RASSF3: variants seen among roughly 807,000 people sequenced by gnomAD.
RASSF3 encodes the protein ras association domain-containing protein 3.
In RASSF3, 19 loss-of-function variants were observed where a neutral mutation model predicts 19.9. The ratio of observed to expected loss-of-function variants is 0.96; its 90% CI spans 0.67 to 1.40. The LOEUF (loss-of-function observed/expected upper bound fraction) is 1.40, where lower values mean the gene tolerates loss of function less well. Among genes scored for constraint, RASSF3 ranks in the 40% most tolerant of loss-of-function variants. The pLI is 0.00. For missense variants in RASSF3, 306 were observed against 289.8 expected (o/e 1.06, Z -0.41); for synonymous variants, 110 against 104.2 (o/e 1.06, Z -0.34).
At chr12:64,675,215 C>G (rs1207202004) in intron 1 of RASSF3, among the ~76,000 whole-genome samples, 1 of 152,028 alleles carries the variant, frequency 6.6e-6, no homozygotes, top group Non-Finnish European at 1.5e-5. Flanking sequence ...ATATTTGTTC[C>G]TTTATAATGT....
rs577181131 is a variant in RASSF3 at position 64,508,750 on chromosome 12, A to G, written c.169+1421A>G. Among the ~76,000 whole-genome samples the G allele has an allele frequency of 8.6e-4, 131 of 151,786 alleles. 1 individual carries two copies. The South Asian group carries it at 0.016, about 19-fold the overall frequency. ...AAATACAAAATTAGCTGGGTGTGGT[A>G]GCACATGCCTGTAATCCCAGCTACT... On this transcript the variant is annotated intron_variant, in intron 1 of 5. Coordinates refer to the RASSF3 transcript ENST00000637125.
In RASSF3 at chr12:64,644,717, A is replaced by AACAAACAAAC. The variant is rs1451732975; in HGVS notation, c.111+33975_111+33976insCAAACAAACA. ...CCAACCAAAAACAAACAAACAAACA[A>AACAAACAAAC]AAATATATATAATGTATATGTATAT... On this transcript the variant is annotated intron_variant, in intron 1 of 4. Coordinates refer to ENST00000542104, the MANE Select transcript of RASSF3 (RefSeq NM_178169.4). Among the ~76,000 whole-genome samples the AACAAACAAAC allele has an allele frequency of 2.0e-5, 3 of 149,688 alleles. No individual in the cohort carries two copies. The East Asian group carries it at 5.9e-4, about 29-fold the overall frequency.
rs144291154 is a variant in RASSF3, at chr12:64,548,716, G to T, written c.294+7011G>T. ...TTCCAGCAGTTCACAAACAAACTTA[G>T]CTCACTATAAATTCATCCATAGTCT... On this transcript the variant is annotated intron_variant, in intron 2 of 5. Transcript: ENST00000637125. 1.2e-3 allele frequency among the ~76,000 whole-genome samples: 190 copies of T among 152,202 alleles called. 1 individual carries two copies. Among genetic ancestry groups the T allele is most frequent in the African/African-American group, 4.4e-3 (184 of 41,512 alleles).
intron 2 of RASSF3, among the ~76,000 whole-genome samples, chr12:64,554,371 C>G (rs1403097699): frequency 6.6e-6 from 1 of 152,204 alleles, no homozygotes; most frequent in Non-Finnish European, 1.5e-5. Flanking sequence ...GTGGCGCGAT[C>G]TTGGCTCACT....
At chr12:64,553,530 C>A (rs1869200986) in intron 2 of RASSF3, among the ~76,000 whole-genome samples, 1 of 152,188 alleles carries the variant, frequency 6.6e-6, no homozygotes, top group South Asian at 2.1e-4. Context: ...ATCTGATGCA[C>A]TGTCCAGGTC....
chr12:64,600,777 A>G (rs1169898321), intron 2 of RASSF3, among the ~76,000 whole-genome samples: 1 of 152,206 alleles, frequency 6.6e-6, no homozygotes, highest in Admixed American at 6.5e-5. Context: ...TTATGAAGCT[A>G]TAACTTAGAG....
intron 2 of RASSF3, among the ~76,000 whole-genome samples, chr12:64,603,168 T>TG (rs1250844479): frequency 6.6e-6 from 1 of 152,058 alleles, no homozygotes; most frequent in Non-Finnish European, 1.5e-5. Context: ...TTTAACTTTT[T>TG]TTTTTGTTGT....
chr12:64,648,015 C>A (rs1275064600), intron 1 of RASSF3, among the ~76,000 whole-genome samples: 1 of 152,246 alleles, frequency 6.6e-6, no homozygotes. Flanking sequence ...AGTGCTGGGG[C>A]TGTTGGTGGT....
intron 1 of RASSF3, among the ~76,000 whole-genome samples, chr12:64,517,342 T>C (rs1484840718): frequency 6.6e-6 from 1 of 151,176 alleles, no homozygotes; most frequent in Non-Finnish European, 1.5e-5. Flanking sequence ...CTTGATGTGG[T>C]CACAATTAAA....
In RASSF3 at chr12:64,651,353, C is replaced by T. The variant is rs183977075; in HGVS notation, c.112-33434C>T. On this transcript the variant is annotated intron_variant, in intron 1 of 4. Transcript: ENST00000542104. The stretch of plus-strand genomic sequence containing the variant: ...AAGAAGTTATTTTTAAGGTTGCCCA[C>T]TTAATGTTTTTGTTTTTATTTTTGA... 3.3e-5 allele frequency among the ~76,000 whole-genome samples: 5 copies of T among 152,128 alleles called. No homozygotes were observed. In the East Asian group the frequency reaches 5.8e-4, roughly 18 times the overall value.
chr12:64,677,131 C>G (rs1024659202), intron 1 of RASSF3, among the ~76,000 whole-genome samples: 1 of 152,124 alleles, frequency 6.6e-6, no homozygotes, highest in African/African-American at 2.4e-5. Flanking sequence ...CTTCCTCATT[C>G]TTCATTTACA....
chr12:64,607,527 G>C (rs1870215388), upstream of RASSF3, among the ~76,000 whole-genome samples: 1 of 151,662 alleles, frequency 6.6e-6, no homozygotes, highest in African/African-American at 2.4e-5. Flanking sequence ...GTGCCATCAT[G>C]CCCAGCTAAT....
chr12:64,571,996 A>T (rs1869526088), intron 2 of RASSF3, among the ~76,000 whole-genome samples: 1 of 152,186 alleles, frequency 6.6e-6, no homozygotes, highest in African/African-American at 2.4e-5. Flanking sequence ...TTCATAGGTT[A>T]TGACGTTCAT....
intron 1 of RASSF3, among the ~76,000 whole-genome samples, chr12:64,629,293 A>G (rs1225648812): frequency 1.3e-5 from 2 of 150,712 alleles, no homozygotes; most frequent in African/African-American, 4.9e-5. Context: ...TTTTTTGTAG[A>G]GATGGGGTTT....
intron 2 of RASSF3, among the ~76,000 whole-genome samples, chr12:64,586,116 G>A (rs918592272): frequency 1.3e-5 from 2 of 152,098 alleles, no homozygotes; most frequent in Non-Finnish European, 2.9e-5. Context: ...CCTGAAGTCA[G>A]GAGTTTGAGA....
chr12:64,554,074 T>G (rs1383808474), intron 2 of RASSF3, among the ~76,000 whole-genome samples: 2 of 152,190 alleles, frequency 1.3e-5, no homozygotes, highest in Admixed American at 1.3e-4. Context: ...CCCTGTAGTT[T>G]TAGCCCATTG....
intron 1 of RASSF3, among the ~76,000 whole-genome samples, chr12:64,670,072 A>C (rs1332161193): frequency 1.3e-5 from 2 of 151,534 alleles, no homozygotes; most frequent in Admixed American, 6.6e-5. Flanking sequence ...TATTTTACAG[A>C]TAATAACTGC....
intron 2 of RASSF3, among the ~76,000 whole-genome samples, chr12:64,572,416 G>A (rs781237571): frequency 6.6e-6 from 1 of 152,128 alleles, no homozygotes; most frequent in African/African-American, 2.4e-5. Context: ...CAGGAGGAAA[G>A]CCCTCACCAG....
downstream of RASSF3, among the ~76,000 whole-genome samples, chr12:64,542,815 G>T (rs2136115742): frequency 6.6e-6 from 1 of 152,300 alleles, no homozygotes; most frequent in African/African-American, 2.4e-5. Context: ...CTCGGCCTCG[G>T]TGCCCACTCT....
Sources: allele counts gnomAD v4.1 joint callset (sites outside exome capture counted in the v4.1 genomes callset), GRCh38; gene constraint gnomAD v4.1.1; transcripts MANE v1.5; gene names NCBI Gene and HGNC (gene_info 2026-07-23, HGNC 2026-07-21).